The following PRKCQ variants were observed in gnomAD, a reference collection of about 807,000 sequenced individuals.
PRKCQ encodes the protein protein kinase C theta.
Under a neutral mutation model 91.2 loss-of-function variants are expected in PRKCQ, and 41 were observed. That is an observed-to-expected ratio of 0.45 (90% confidence interval 0.35 to 0.58). The LOEUF (loss-of-function observed/expected upper bound fraction) is 0.58, where lower values mean the gene tolerates loss of function less well. Among genes scored for constraint, PRKCQ ranks in the 20% least tolerant of loss-of-function variants. The pLI, the probability that PRKCQ is intolerant of heterozygous loss-of-function variation, is 0.00. For synonymous variants in PRKCQ, 307 were observed against 316.9 expected (o/e 0.97, Z 0.33); for missense variants, 673 against 896.5 (o/e 0.75, Z 3.18).
At chr10:6,447,577 C>G (rs1834385803) in intron 15 of PRKCQ, among the ~76,000 whole-genome samples, 1 of 152,112 alleles carries the variant, frequency 6.6e-6, no homozygotes, top group African/African-American at 2.4e-5. Flanking sequence ...GAGGTGCAGC[C>G]TAGTGAGACG....
In PRKCQ at chr10:6,491,704, G is replaced by T. The variant is rs753167345; in HGVS notation, c.769C>A (p.Arg257=). The T allele has an allele frequency of 2.5e-6, 4 of 1,614,068 alleles. No individual in the cohort carries two copies. In the South Asian group the frequency reaches 3.3e-5, roughly 13 times the overall value. The stretch of plus-strand genomic sequence containing the variant: ...TCACCATCACACTTGAGTCCTTGCC[G>T]TGCCAGTCCCCACAGCAGGGTCCCA... The part of the protein sequence containing the change: ...HCGTLLWGLA[R]QGLKCDACGM... The change falls in exon 8 of 18, where the codon CGG becomes AGG. Residue 257 remains arginine, a synonymous_variant. Coordinates refer to ENST00000263125, the MANE Select transcript of PRKCQ (RefSeq NM_006257.5).
Position 6,568,870 on chromosome 10 carries a change from A to T in PRKCQ, c.-10+11341T>A, listed in dbSNP as rs79577310. On this transcript the variant is annotated intron_variant, in intron 1 of 17. Transcript: ENST00000263125. ...AGGATGCCAAGGGGATGATAAGGGGAAAAATCACACCATAGACAAGGGGAG... is the reference window on the plus strand; with the variant it reads ...AGGATGCCAAGGGGATGATAAGGGGTAAAATCACACCATAGACAAGGGGAG... Among the ~76,000 whole-genome samples, 1,037 of 152,170 alleles carry T rather than the reference A, an allele frequency of 6.8e-3. 21 individuals are homozygous for T. The East Asian group carries it at 0.07, about 10-fold the overall frequency.
chr10:6,401,014 A>C, the PRKCQ span, among the ~76,000 whole-genome samples: 1 of 152,242 alleles, frequency 6.6e-6, no homozygotes, highest in Admixed American at 6.5e-5. Flanking sequence ...GAGCCTTGAG[A>C]GAAATGGACT....
chr10:6,436,566 C>T (rs887178172), intron 16 of PRKCQ, among the ~76,000 whole-genome samples: 5 of 152,186 alleles, frequency 3.3e-5, no homozygotes, highest in African/African-American at 9.7e-5. Flanking sequence ...GAGTCACGCC[C>T]ACCCTCCTGT....
chr10:6,433,207 C>T (rs1355024890), intron 16 of PRKCQ, among the ~76,000 whole-genome samples: 1 of 152,176 alleles, frequency 6.6e-6, no homozygotes, highest in African/African-American at 2.4e-5. Flanking sequence ...CTGAGGAAGC[C>T]GAGCTTCAGA....
intron 15 of PRKCQ, among the ~76,000 whole-genome samples, chr10:6,443,548 C>T (rs1358588990): frequency 6.6e-6 from 1 of 152,110 alleles, no homozygotes; most frequent in Non-Finnish European, 1.5e-5. Context: ...GTGAAGCAAG[C>T]CAGGCACAGA....
intron 10 of PRKCQ, 72 bp from the exon 11 acceptor site, chr10:6,483,672 G>C: frequency 1.9e-6 from 3 of 1,541,206 alleles, no homozygotes; most frequent in Non-Finnish European, 2.7e-6. Context: ...GAGAGCACAT[G>C]CTTTCTCTTC....
intron 1 of PRKCQ, among the ~76,000 whole-genome samples, chr10:6,530,030 G>A (rs1208583881): frequency 6.6e-6 from 1 of 152,148 alleles, no homozygotes; most frequent in Non-Finnish European, 1.5e-5. Flanking sequence ...ACACACATTT[G>A]TTTTTTGCTG....
At chr10:6,404,776 C>T in the PRKCQ span, among the ~76,000 whole-genome samples, 1 of 145,662 alleles carries the variant, frequency 6.9e-6, no homozygotes, top group African/African-American at 2.5e-5. Flanking sequence ...TCCTTTCTTC[C>T]TTCCTTCACT....
intron 12 of PRKCQ, among the ~76,000 whole-genome samples, chr10:6,477,444 T>G (rs475843): frequency 0.19 from 28,412 of 152,214 alleles, 2,804 homozygotes; most frequent in Middle Eastern, 0.33. Context: ...GCAGAGGTGG[T>G]GATGGATGCC....
intron 8 of PRKCQ, chr10:6,489,443 G>A: frequency 1.9e-6 from 1 of 532,298 alleles, no homozygotes; most frequent in South Asian, 1.4e-5. Context: ...AGTCCCTTTG[G>A]ATGACTATTT....
intron 1 of PRKCQ, among the ~76,000 whole-genome samples, chr10:6,528,632 G>C (rs1839281752): frequency 6.6e-6 from 1 of 152,160 alleles, no homozygotes; most frequent in South Asian, 2.1e-4. Context: ...TTATGTGTTG[G>C]ATCTCCCACA....
intron 16 of PRKCQ, among the ~76,000 whole-genome samples, chr10:6,434,601 C>T (rs982388631): frequency 6.6e-6 from 1 of 152,188 alleles, no homozygotes; most frequent in Admixed American, 6.5e-5. Context: ...AATAAAATAC[C>T]TGAAGACTTG....
intron 1 of PRKCQ, among the ~76,000 whole-genome samples, chr10:6,568,626 T>C (rs1840921756): frequency 6.6e-6 from 1 of 151,620 alleles, no homozygotes; most frequent in Non-Finnish European, 1.5e-5. Context: ...GCCTCCCGAG[T>C]AGTTGGGACT....
rs780551777 is a variant in PRKCQ at position 6,485,177 on chromosome 10, T to G, written c.993A>C (p.Pro331=). The G allele has an allele frequency of 6.2e-7, 1 of 1,613,934 alleles. No homozygotes were observed. Among genetic ancestry groups the G allele is most frequent in the African/African-American group, 1.3e-5 (1 of 74,902 alleles). The change falls in exon 10 of 18, where the codon CCA becomes CCC. Residue 331 remains proline, a synonymous_variant. Coordinates refer to ENST00000263125, the MANE Select transcript of PRKCQ (RefSeq NM_006257.5). ...CTCTTTTTCCCGGTGTCGGTAAACA[T>G]GGCGGCCTTGCTTCATTTTTGATGG... ...PCSIKNEARP[P]CLPTPGKREP... is the part of the protein sequence containing the mutation.
intron 7 of PRKCQ, among the ~76,000 whole-genome samples, chr10:6,492,847 T>C (rs951812011): frequency 1.3e-5 from 2 of 152,214 alleles, no homozygotes; most frequent in African/African-American, 4.8e-5. Context: ...ACAGTTCCTT[T>C]GGGAAGGTGC....
intron 1 of PRKCQ, among the ~76,000 whole-genome samples, chr10:6,546,052 C>T (rs914029008): frequency 2.6e-5 from 4 of 152,028 alleles, no homozygotes; most frequent in Non-Finnish European, 2.9e-5. Context: ...TTGTGTTACG[C>T]GTATTCTAGC....
At chr10:6,509,090 CAAAA>C (rs905506504) in intron 3 of PRKCQ, among the ~76,000 whole-genome samples, 1 of 151,638 alleles carries the variant, frequency 6.6e-6, no homozygotes, top group Non-Finnish European at 1.5e-5. Context: ...AAAAAGAAAA[CAAAA>C]AAACCCACCA....
intron 3 of PRKCQ, among the ~76,000 whole-genome samples, chr10:6,508,030 G>A (rs1250276849): frequency 6.6e-6 from 1 of 152,110 alleles, no homozygotes; most frequent in Non-Finnish European, 1.5e-5. Flanking sequence ...TGTATTTTTA[G>A]GAAAGTCTTG....
Sources: gnomAD v4.1 joint callset for allele counts (sites outside exome capture counted in the v4.1 genomes callset) on GRCh38, gnomAD v4.1.1 for gene constraint, MANE v1.5 for transcripts, NCBI Gene and HGNC (gene_info 2026-07-23, HGNC 2026-07-21) for gene names.